Variants in RIMS2 observed in about 807,000 individuals in gnomAD.
The protein encoded by RIMS2 is regulating synaptic membrane exocytosis protein 2.
RIMS2 carries 59 observed loss-of-function variants against 174.4 expected under a neutral mutation model. The observed-to-expected ratio is 0.34, with a 90% CI of 0.27 to 0.42. The LOEUF (loss-of-function observed/expected upper bound fraction) is 0.42, where lower values mean the gene tolerates loss of function less well. RIMS2 is among the 10% of genes least tolerant of loss of function. The probability of loss-of-function intolerance (pLI) is 1.00; values close to 1 mark genes in which losing one functional copy is unlikely to be tolerated. For synonymous variants in RIMS2, 606 were observed against 572.5 expected (o/e 1.06, Z -0.84); for missense variants, 1,620 against 1,666.3 (o/e 0.97, Z 0.48).
exon 2 of RIMS2, chr8:103,697,108 A>G (rs751311159): frequency 3.7e-6 from 6 of 1,613,222 alleles, no homozygotes; most frequent in Non-Finnish European, 5.1e-6. Flanking sequence ...GCAGTTTGAA[A>G]TGTATAAAGA....
chr8:104,014,349 T>C (rs1409279525), intron 18 of RIMS2, among the ~76,000 whole-genome samples, 157 bp from the exon 21 acceptor site: 1 of 152,238 alleles, frequency 6.6e-6, no homozygotes, highest in Non-Finnish European at 1.5e-5. Flanking sequence ...ATTTAATCAT[T>C]CAGATATCCA....
chr8:103,917,923 C>T (rs1052504344), intron 8 of RIMS2, among the ~76,000 whole-genome samples: 2 of 151,938 alleles, frequency 1.3e-5, no homozygotes, highest in African/African-American at 2.4e-5. Flanking sequence ...GAGCTGAGAT[C>T]GCGGCACTGC....
At chr8:104,061,517 G>A (rs115812573) in intron 19 of RIMS2, among the ~76,000 whole-genome samples, 1 of 151,356 alleles carries the variant, frequency 6.6e-6, no homozygotes, top group Non-Finnish European at 1.5e-5. Context: ...AAATCAAATA[G>A]CATTTATACA....
intron 3 of RIMS2, among the ~76,000 whole-genome samples, chr8:103,792,181 C>T (rs902272591): frequency 6.6e-5 from 10 of 152,156 alleles, no homozygotes; most frequent in Admixed American, 6.5e-5. Context: ...GTAAAGCACT[C>T]CTCAGCAAAT....
At chr8:103,504,824 C>CTTTCT (rs1453388551) in intron 1 of RIMS2, among the ~76,000 whole-genome samples, 1 of 127,902 alleles carries the variant, frequency 7.8e-6, no homozygotes, top group African/African-American at 2.9e-5. Context: ...CTTTTTTTTT[C>CTTTCT]TTTCTTTTCT....
At chr8:103,565,154 C>T (rs1309848353) in intron 1 of RIMS2, among the ~76,000 whole-genome samples, 1 of 152,150 alleles carries the variant, frequency 6.6e-6, no homozygotes, top group Non-Finnish European at 1.5e-5. Context: ...CTACATAGCA[C>T]CTGTGCCCTG....
chr8:103,640,906 G>A (rs997094730), intron 1 of RIMS2, among the ~76,000 whole-genome samples: 1 of 151,982 alleles, frequency 6.6e-6, no homozygotes, highest in Non-Finnish European at 1.5e-5. Context: ...CATCTTCACT[G>A]ATTTTCTGCC....
At chr8:104,187,304 T>G (rs1191317029) in intron 19 of RIMS2, among the ~76,000 whole-genome samples, 1 of 151,832 alleles carries the variant, frequency 6.6e-6, no homozygotes, top group Admixed American at 6.6e-5. Flanking sequence ...CTCTTCACTG[T>G]GAGAATTTCA....
chr8:103,978,408 A>T (rs79373873), intron 16 of RIMS2, among the ~76,000 whole-genome samples: 1 of 152,246 alleles, frequency 6.6e-6, no homozygotes, highest in Non-Finnish European at 1.5e-5. Flanking sequence ...GTCATAAAGG[A>T]CAAAGAAATA....
At chr8:103,946,983 TG>T (rs532886871) in intron 14 of RIMS2, among the ~76,000 whole-genome samples, 1 of 152,180 alleles carries the variant, frequency 6.6e-6, no homozygotes, top group South Asian at 2.1e-4. Context: ...AGCAAATCAA[TG>T]GGGGGGAATA....
At chr8:103,568,776 T>C (rs758404347) in intron 1 of RIMS2, 1 of 1,123,324 alleles carries the variant, frequency 8.9e-7, no homozygotes, top group Non-Finnish European at 1.3e-6. Flanking sequence ...TATCAAAACA[T>C]GAATGTCTTT....
At chr8:104,112,452 C>G (rs1205383945) in intron 19 of RIMS2, among the ~76,000 whole-genome samples, 1 of 152,022 alleles carries the variant, frequency 6.6e-6, no homozygotes, top group Non-Finnish European at 1.5e-5. Context: ...ATAATACCTA[C>G]ATACGTATAT....
chr8:104,198,639 G>A (rs1400299731), intron 19 of RIMS2, among the ~76,000 whole-genome samples: 1 of 152,176 alleles, frequency 6.6e-6, no homozygotes, highest in African/African-American at 2.4e-5. Flanking sequence ...CTCTCTCCAC[G>A]AGGCATTCCA....
intron 16 of RIMS2, among the ~76,000 whole-genome samples, chr8:103,978,787 A>T (rs1234265163): frequency 6.6e-6 from 1 of 151,904 alleles, no homozygotes; most frequent in Non-Finnish European, 1.5e-5. Flanking sequence ...CAATAATCAG[A>T]CCCCCCCAAA....
chr8:103,622,408 A>T (rs1281570392), intron 1 of RIMS2, among the ~76,000 whole-genome samples: 15 of 152,188 alleles, frequency 9.9e-5, no homozygotes, highest in Non-Finnish European at 1.8e-4. Flanking sequence ...GACAAACACA[A>T]AACACATAAA....
At position 103,818,634 on chromosome 8, in the gene RIMS2, G is replaced by A. The variant is rs182810661; in HGVS notation, c.698+52097G>A. On this transcript the variant is annotated intron_variant, in intron 3 of 23. Coordinates refer to ENST00000504942, the Ensembl canonical transcript of RIMS2. ...ATTTGGAGGGAAGTTTTAATTTAAT[G>A]TGTGGTGTTTAGGTGAATTTTAATT... is the stretch of plus-strand genomic sequence containing the variant. Among the ~76,000 whole-genome samples the A allele has an allele frequency of 4.0e-3, 602 of 152,258 alleles. 2 individuals are homozygous for A. Among genetic ancestry groups the A allele is most frequent in the Non-Finnish European group, 6.3e-3 (427 of 68,012 alleles).
At chr8:103,555,800 C>CA (rs35932194) in intron 1 of RIMS2, among the ~76,000 whole-genome samples, 80,030 of 135,288 alleles carry the variant, frequency 0.59, 23,549 homozygotes, top group East Asian at 0.76. Flanking sequence ...CTCTCTCTCT[C>CA]AAAAAAAAAA....
intron 1 of RIMS2, among the ~76,000 whole-genome samples, chr8:103,620,223 C>G (rs2095604072): frequency 6.6e-6 from 1 of 152,094 alleles, no homozygotes; most frequent in Admixed American, 6.6e-5. Context: ...GGCAACTTTT[C>G]AATGTGAAAT....
chr8:103,698,744 G>A (rs908661397), intron 2 of RIMS2, among the ~76,000 whole-genome samples: 18 of 151,994 alleles, frequency 1.2e-4, no homozygotes, highest in Non-Finnish European at 1.8e-4. Context: ...TAGCTGGGAC[G>A]ACAGACACAT....
Sources: allele counts gnomAD v4.1 joint callset (sites outside exome capture counted in the v4.1 genomes callset), GRCh38; gene constraint gnomAD v4.1.1; transcripts MANE v1.5; gene names NCBI Gene and HGNC (gene_info 2026-07-23, HGNC 2026-07-21).